Variants in FSTL5 observed in about 807,000 individuals in gnomAD.
The protein encoded by FSTL5 is follistatin like 5.
Under a neutral mutation model 89.1 loss-of-function variants are expected in FSTL5, and 62 were observed. The observed-to-expected ratio is 0.70, with a 90% CI of 0.57 to 0.86. The LOEUF is 0.86. Ranked by LOEUF, FSTL5 falls within the 40% of genes least tolerant of loss-of-function variation. FSTL5 has a pLI of 0.00. For missense variants in FSTL5, 1,057 were observed against 1,001.6 expected (o/e 1.06, Z -0.75); for synonymous variants, 383 against 346.2 (o/e 1.11, Z -1.18).
At chr4:161,705,877 AC>A (rs1389475704) in intron 6 of FSTL5, among the ~76,000 whole-genome samples, 1 of 144,890 alleles carries the variant, frequency 6.9e-6, no homozygotes, top group Non-Finnish European at 1.5e-5. Flanking sequence ...ATGCCAATGC[AC>A]TCCAGCCTGG....
chr4:161,789,536 G>T (rs1729384661), intron 4 of FSTL5, among the ~76,000 whole-genome samples: 1 of 152,158 alleles, frequency 6.6e-6, no homozygotes, highest in African/African-American at 2.4e-5. Flanking sequence ...CAGGTTCATA[G>T]CTATTTGGAA....
chr4:161,579,640 C>G (rs549860937), intron 8 of FSTL5, among the ~76,000 whole-genome samples: 2 of 151,024 alleles, frequency 1.3e-5, no homozygotes, highest in South Asian at 4.2e-4. Context: ...TTGCTTGAAC[C>G]TGGGAGGCAG....
At chr4:161,613,256 T>C (rs1256328139) in intron 7 of FSTL5, among the ~76,000 whole-genome samples, 1 of 151,988 alleles carries the variant, frequency 6.6e-6, no homozygotes, top group Non-Finnish European at 1.5e-5. Context: ...ATCGAGACCA[T>C]CCTGGCCAAA....
chr4:161,926,964 G>A (rs1031161271), intron 3 of FSTL5, among the ~76,000 whole-genome samples: 4 of 151,760 alleles, frequency 2.6e-5, no homozygotes, highest in South Asian at 2.1e-4. Flanking sequence ...AGAAAGACAC[G>A]TAGACCATAT....
chr4:161,663,981 C>T (rs1338924794), intron 6 of FSTL5, among the ~76,000 whole-genome samples: 1 of 152,216 alleles, frequency 6.6e-6, no homozygotes, highest in Non-Finnish European at 1.5e-5. Context: ...ACAGCCCAAG[C>T]TGTACATTGG....
intron 4 of FSTL5, among the ~76,000 whole-genome samples, chr4:161,819,574 A>T (rs1464877578): frequency 6.6e-6 from 1 of 152,104 alleles, no homozygotes; most frequent in Non-Finnish European, 1.5e-5. Flanking sequence ...CCTTTTTCAC[A>T]GAAGTGCATC....
intron 10 of FSTL5, among the ~76,000 whole-genome samples, chr4:161,514,767 A>C (rs1730759591): frequency 6.6e-6 from 1 of 152,292 alleles, no homozygotes; most frequent in African/African-American, 2.4e-5. Flanking sequence ...CAAAATTTGA[A>C]GGTAAAATCA....
chr4:161,738,947 A>C (rs1328854065), intron 6 of FSTL5, among the ~76,000 whole-genome samples: 1 of 152,214 alleles, frequency 6.6e-6, no homozygotes, highest in Non-Finnish European at 1.5e-5. Context: ...TAAAATTTAC[A>C]AAGAAAAATA....
intron 7 of FSTL5, among the ~76,000 whole-genome samples, chr4:161,635,940 T>A (rs1382680670): frequency 6.6e-6 from 1 of 152,200 alleles, no homozygotes; most frequent in Non-Finnish European, 1.5e-5. Context: ...TTCACATACC[T>A]CTGCATCAAC....
intron 3 of FSTL5, among the ~76,000 whole-genome samples, chr4:161,926,000 G>A (rs1486753115): frequency 6.6e-6 from 1 of 151,828 alleles, no homozygotes; most frequent in Admixed American, 6.6e-5. Flanking sequence ...GTGATGTTTT[G>A]ATTCCCACAA....
chr4:161,418,141 T>C (rs1460067391), intron 15 of FSTL5, among the ~76,000 whole-genome samples: 1 of 152,260 alleles, frequency 6.6e-6, no homozygotes, highest in East Asian at 1.9e-4. Flanking sequence ...TTGGTGTGTT[T>C]ACATGGCACC....
chr4:161,827,641 G>A (rs1407000169), intron 4 of FSTL5, among the ~76,000 whole-genome samples: 1 of 152,196 alleles, frequency 6.6e-6, no homozygotes, highest in African/African-American at 2.4e-5. Flanking sequence ...TGCTGTGGAA[G>A]ATGGGGGCAT....
At chr4:162,090,694 G>A (rs907280481) in intron 2 of FSTL5, among the ~76,000 whole-genome samples, 4 of 151,772 alleles carry the variant, frequency 2.6e-5, no homozygotes, top group Non-Finnish European at 4.4e-5. Flanking sequence ...GGTGGTGCAC[G>A]CCTGTAATCC....
intron 10 of FSTL5, among the ~76,000 whole-genome samples, chr4:161,523,037 G>T (rs1458986262): frequency 6.6e-6 from 1 of 151,990 alleles, no homozygotes; most frequent in East Asian, 1.9e-4. Context: ...CCCTCATTAT[G>T]TGCTAGACAT....
chr4:161,834,705 G>T (rs1730974394), intron 4 of FSTL5, among the ~76,000 whole-genome samples: 1 of 152,060 alleles, frequency 6.6e-6, no homozygotes, highest in Admixed American at 6.6e-5. Context: ...ATTCACAATT[G>T]CTTCAAAGGA....
intron 12 of FSTL5, among the ~76,000 whole-genome samples, chr4:161,490,579 T>G (rs528036700): frequency 6.6e-6 from 1 of 152,178 alleles, no homozygotes; most frequent in East Asian, 1.9e-4. Flanking sequence ...ACAATACAGA[T>G]GGTGCTTAGT....
At position 161,614,688 on chromosome 4, in the gene FSTL5, T is replaced by C. The variant is rs1410234105; in HGVS notation, c.895-27113A>G. ...CTATAATTTACAATTTGCAATTATA[T>C]AATTTACAATTATATTCCAACTATC... On this transcript the variant is annotated intron_variant, in intron 7 of 15. Coordinates refer to ENST00000306100, the MANE Select transcript of FSTL5 (RefSeq NM_020116.5). Among the ~76,000 whole-genome samples, 4 of 152,226 alleles carry C rather than the reference T, an allele frequency of 2.6e-5. No homozygotes were observed. The East Asian group carries it at 7.7e-4, about 29-fold the overall frequency.
intron 4 of FSTL5, among the ~76,000 whole-genome samples, chr4:161,902,401 T>C (rs540307177): frequency 1.3e-5 from 2 of 152,266 alleles, no homozygotes; most frequent in East Asian, 3.9e-4. Context: ...ATGTTTTAAA[T>C]TATCAGGAAA....
At chr4:161,755,388 A>AT (rs1167755035) in intron 6 of FSTL5, among the ~76,000 whole-genome samples, 6 of 151,748 alleles carry the variant, frequency 4.0e-5, no homozygotes, top group South Asian at 2.1e-4. Flanking sequence ...ATAATATGCT[A>AT]TTTTTTTTAC....
Sources: allele counts gnomAD v4.1 joint callset (sites outside exome capture counted in the v4.1 genomes callset), GRCh38; gene constraint gnomAD v4.1.1; transcripts MANE v1.5; gene names NCBI Gene and HGNC (gene_info 2026-07-23, HGNC 2026-07-21).